FANCL: variants seen among roughly 807,000 people sequenced by gnomAD.
FANCL encodes E3 ubiquitin-protein ligase FANCL.
In FANCL, 69 loss-of-function variants were observed where a neutral mutation model predicts 59.4. That is an observed-to-expected ratio of 1.16 (90% CI 0.96 to 1.42). The LOEUF is 1.42. FANCL is among the 40% of genes most tolerant of loss of function. The pLI is 0.00. For synonymous variants in FANCL, 180 were observed against 147.1 expected (o/e 1.22, Z -1.62); for missense variants, 519 against 447.2 (o/e 1.16, Z -1.45).
At chr2:58,180,167 TTCC>T (rs1168335097) in intron 7 of FANCL, among the ~76,000 whole-genome samples, 1 of 152,216 alleles carries the variant, frequency 6.6e-6, no homozygotes, top group Non-Finnish European at 1.5e-5. Context: ...AGTGTGGCGA[TTCC>T]TCAAGGATCT....
At chr2:58,212,339 T>C (rs971801673) in intron 5 of FANCL, among the ~76,000 whole-genome samples, 1 of 152,188 alleles carries the variant, frequency 6.6e-6, no homozygotes, top group Non-Finnish European at 1.5e-5. Context: ...GCCCCCGTGA[T>C]TAAATTATCT....
chr2:58,233,061 T>C (rs1693724248), intron 1 of FANCL, among the ~76,000 whole-genome samples: 1 of 152,084 alleles, frequency 6.6e-6, no homozygotes, highest in African/African-American at 2.4e-5. Flanking sequence ...TACATTTAAA[T>C]GTCCTTTAAA....
At chr2:58,180,652 C>T (rs916850086) in intron 7 of FANCL, among the ~76,000 whole-genome samples, 1 of 152,024 alleles carries the variant, frequency 6.6e-6, no homozygotes, top group East Asian at 1.9e-4. Flanking sequence ...CACGTGTATA[C>T]CTATGTAACA....
chr2:58,218,872 C>T (rs1692120054), intron 5 of FANCL, among the ~76,000 whole-genome samples: 1 of 151,500 alleles, frequency 6.6e-6, no homozygotes, highest in Non-Finnish European at 1.5e-5. Flanking sequence ...ATCATGTTTA[C>T]CTTAATACAG....
intron 7 of FANCL, among the ~76,000 whole-genome samples, chr2:58,175,730 G>A (rs1687230303): frequency 6.6e-6 from 1 of 152,102 alleles, no homozygotes; most frequent in South Asian, 2.1e-4. Flanking sequence ...AGCAGGACAG[G>A]GATGCCCTCT....
At chr2:58,178,066 G>A (rs1412225704) in intron 7 of FANCL, among the ~76,000 whole-genome samples, 1 of 151,916 alleles carries the variant, frequency 6.6e-6, no homozygotes, top group Non-Finnish European at 1.5e-5. Context: ...GAAATAGATC[G>A]ATAACAACTT....
At chr2:58,197,559 T>C (rs915457757) in intron 7 of FANCL, among the ~76,000 whole-genome samples, 4 of 152,172 alleles carry the variant, frequency 2.6e-5, no homozygotes, top group Non-Finnish European at 5.9e-5. Flanking sequence ...ATGGTGATAG[T>C]ACTACCGATA....
intron 7 of FANCL, among the ~76,000 whole-genome samples, chr2:58,182,026 G>T (rs1421872623): frequency 6.6e-6 from 1 of 151,432 alleles, no homozygotes; most frequent in African/African-American, 2.4e-5. Flanking sequence ...CACTATATAA[G>T]ACAAATTATA....
At chr2:58,237,677 A>G (rs766570507) in intron 1 of FANCL, among the ~76,000 whole-genome samples, 3 of 152,142 alleles carry the variant, frequency 2.0e-5, no homozygotes, top group South Asian at 2.1e-4. Context: ...GTATCGGGGG[A>G]AAAAATGAGA....
intron 7 of FANCL, among the ~76,000 whole-genome samples, chr2:58,172,427 C>A (rs1041074177): frequency 6.6e-6 from 1 of 152,180 alleles, no homozygotes; most frequent in Non-Finnish European, 1.5e-5. Context: ...CATCAGACAG[C>A]AGCATTCGTG....
At chr2:58,232,791 T>C (rs1693702511) in intron 1 of FANCL, among the ~76,000 whole-genome samples, 2 of 152,036 alleles carry the variant, frequency 1.3e-5, no homozygotes, top group South Asian at 4.1e-4. Flanking sequence ...GAAAAGTGAA[T>C]GGGTAAGTAG....
intron 7 of FANCL, among the ~76,000 whole-genome samples, chr2:58,173,221 T>A: frequency 6.6e-6 from 1 of 152,162 alleles, no homozygotes; most frequent in East Asian, 1.9e-4. Flanking sequence ...CTGCAGGATA[T>A]TATCCAGGAG....
rs190274914 is a variant in FANCL at position 58,232,607 on chromosome 2, A to G, written c.97-495T>C. Among the ~76,000 whole-genome samples, 39 of 152,224 alleles carry G rather than the reference A, an allele frequency of 2.6e-4. 1 individual carries two copies. The East Asian group carries it at 6.5e-3, about 26-fold the overall frequency. On this transcript the variant is annotated intron_variant, in intron 1 of 13. Transcript: ENST00000233741. ...ATTTAGTTACACAATCTATACAGACATAAGTGAAATACTTGCATAAATCAG... is the reference window on the plus strand; with the variant it reads ...ATTTAGTTACACAATCTATACAGACGTAAGTGAAATACTTGCATAAATCAG...
chr2:58,206,561 C>G (rs997240362), intron 5 of FANCL, among the ~76,000 whole-genome samples: 8 of 152,156 alleles, frequency 5.3e-5, no homozygotes, highest in African/African-American at 1.9e-4. Flanking sequence ...CTCACCATCA[C>G]AATGTTTAAA....
At chr2:58,196,989 A>G (rs1275174693) in intron 7 of FANCL, among the ~76,000 whole-genome samples, 1 of 150,650 alleles carries the variant, frequency 6.6e-6, no homozygotes, top group Non-Finnish European at 1.5e-5. Context: ...AAAATAAAAA[A>G]AGAAAGCTAT....
chr2:58,180,991 T>G (rs1687886079), intron 7 of FANCL, among the ~76,000 whole-genome samples: 1 of 152,066 alleles, frequency 6.6e-6, no homozygotes, highest in Non-Finnish European at 1.5e-5. Flanking sequence ...CACAACTGTT[T>G]TGAAAAGATT....
At chr2:58,210,909 T>C (rs1361140450) in intron 5 of FANCL, among the ~76,000 whole-genome samples, 1 of 152,174 alleles carries the variant, frequency 6.6e-6, no homozygotes, top group Non-Finnish European at 1.5e-5. Flanking sequence ...CCCTGTGATT[T>C]TGCAGGGTAT....
rs1185627493 is a variant in FANCL, at chr2:58,165,854, A to G, written c.561T>C (p.Tyr187=). 6 of 1,614,058 alleles carry G rather than the reference A, an allele frequency of 3.7e-6. No individual in the cohort carries two copies. Among genetic ancestry groups the G allele is most frequent in the Middle Eastern group, 1.6e-4 (1 of 6,062 alleles). The part of the protein sequence containing the change: ...WTPQSSLISI[Y]SQFLAAIESL... ...ATTCTATTGCTGCCAAAAACTGACT[A>G]TAAATGCTTATTAAGGAGCTCTGTG... Residue 187 remains tyrosine, a synonymous_variant, in exon 8 of 14, where the codon TAT becomes TAC. Coordinates refer to ENST00000233741, the MANE Select transcript of FANCL (RefSeq NM_018062.4).
intron 5 of FANCL, among the ~76,000 whole-genome samples, chr2:58,214,494 A>T (rs1691506570): frequency 6.6e-6 from 1 of 152,154 alleles, no homozygotes; most frequent in African/African-American, 2.4e-5. Context: ...ACTAGATATA[A>T]GTTCCATGAG....
Sources: allele counts gnomAD v4.1 joint callset (sites outside exome capture counted in the v4.1 genomes callset), GRCh38; gene constraint gnomAD v4.1.1; transcripts MANE v1.5; gene names NCBI Gene and HGNC (gene_info 2026-07-23, HGNC 2026-07-21).